Variants in GABBR2 observed in about 807,000 individuals in gnomAD.
GABBR2 encodes G-protein coupled receptor 51.
GABBR2 carries 23 observed loss-of-function variants against 105.6 expected under a neutral mutation model. The observed-to-expected ratio is 0.22, with a 90% CI of 0.16 to 0.31. The LOEUF is 0.31. Ranked by LOEUF, GABBR2 falls within the 10% of genes least tolerant of loss-of-function variation. The pLI is 1.00. For missense variants in GABBR2, 734 were observed against 1,245.5 expected, an observed-to-expected ratio of 0.59 and a Z score of 6.18; for synonymous variants, 478 against 499.7, an observed-to-expected ratio of 0.96 and a Z score of 0.58.
chr9:98,686,990 C>T (rs539812053), intron 1 of GABBR2, among the ~76,000 whole-genome samples: 16 of 152,178 alleles, frequency 1.1e-4, no homozygotes, highest in African/African-American at 3.6e-4. Context: ...GATCCTCCCT[C>T]GACATACTCT....
intron 1 of GABBR2, among the ~76,000 whole-genome samples, chr9:98,696,168 G>A (rs569648791): frequency 1.3e-5 from 2 of 152,194 alleles, no homozygotes; most frequent in Non-Finnish European, 2.9e-5. Context: ...TAATCGGGGA[G>A]GACAGAGAAT....
chr9:98,551,366 G>A (rs904587200), intron 2 of GABBR2, among the ~76,000 whole-genome samples: 5 of 152,154 alleles, frequency 3.3e-5, no homozygotes, highest in African/African-American at 9.7e-5. Flanking sequence ...TCATGCCACC[G>A]CACTCCAGCC....
intron 1 of GABBR2, among the ~76,000 whole-genome samples, chr9:98,654,077 C>T (rs376631641): frequency 1.3e-5 from 2 of 152,360 alleles, no homozygotes; most frequent in East Asian, 1.9e-4. Flanking sequence ...TTCTGTCTTA[C>T]AGCCATAACA....
intron 2 of GABBR2, among the ~76,000 whole-genome samples, chr9:98,576,880 A>G (rs1387712232): frequency 6.9e-6 from 1 of 144,116 alleles, no homozygotes; most frequent in Admixed American, 7.4e-5. Context: ...ATCCAGGCAC[A>G]GAGTAAGTTG....
At chr9:98,396,494 A>AC (rs1247410625) in intron 8 of GABBR2, among the ~76,000 whole-genome samples, 2 of 152,116 alleles carry the variant, frequency 1.3e-5, no homozygotes, top group Admixed American at 6.5e-5. Flanking sequence ...TGTAAAAGTC[A>AC]CTTCCTTCTC....
intron 6 of GABBR2, among the ~76,000 whole-genome samples, chr9:98,467,293 C>T (rs1826578958): frequency 6.6e-6 from 1 of 152,182 alleles, no homozygotes; most frequent in African/African-American, 2.4e-5. Flanking sequence ...GCCAGAGTCA[C>T]CCAGTTGGGA....
intron 5 of GABBR2, among the ~76,000 whole-genome samples, chr9:98,476,432 C>T (rs1253546737): frequency 6.6e-6 from 1 of 152,212 alleles, no homozygotes; most frequent in Non-Finnish European, 1.5e-5. Context: ...AGATTTTCTG[C>T]CACATGCCTG....
intron 1 of GABBR2, among the ~76,000 whole-genome samples, chr9:98,620,574 C>T (rs976853020): frequency 8.6e-5 from 13 of 151,902 alleles, no homozygotes; most frequent in Admixed American, 5.2e-4. Flanking sequence ...AAATGGTATT[C>T]CTCCAAAGCA....
At chr9:98,488,457 C>T (rs1827105655) in intron 4 of GABBR2, among the ~76,000 whole-genome samples, 1 of 152,118 alleles carries the variant, frequency 6.6e-6, no homozygotes, top group Admixed American at 6.5e-5. Flanking sequence ...AAAAAGAAAG[C>T]CAAACATGGC....
chr9:98,635,103 G>A (rs891709766), intron 1 of GABBR2, among the ~76,000 whole-genome samples: 4 of 152,174 alleles, frequency 2.6e-5, no homozygotes, highest in South Asian at 2.1e-4. Flanking sequence ...TAACTTACTC[G>A]AAATACAACA....
chr9:98,606,564 T>C (rs1242060933), intron 1 of GABBR2, among the ~76,000 whole-genome samples: 2 of 139,978 alleles, frequency 1.4e-5, no homozygotes, highest in African/African-American at 5.4e-5. Context: ...CACCGCAACC[T>C]CCACCTCCCA....
intron 7 of GABBR2, among the ~76,000 whole-genome samples, chr9:98,453,506 C>T (rs1369256742): frequency 6.6e-6 from 1 of 152,238 alleles, no homozygotes; most frequent in Non-Finnish European, 1.5e-5. Context: ...CCATGTCATA[C>T]ATAGTTCATC....
chr9:98,398,957 G>A (rs1832341543), intron 8 of GABBR2, among the ~76,000 whole-genome samples: 1 of 152,192 alleles, frequency 6.6e-6, no homozygotes, highest in Middle Eastern at 3.2e-3. Flanking sequence ...ACTGGCCCAA[G>A]GACAAGAGCT....
At chr9:98,607,472 A>G in intron 1 of GABBR2, 1 of 580,908 alleles carries the variant, frequency 1.7e-6, no homozygotes, top group Non-Finnish European at 3.1e-6. Context: ...AAGAAACCCA[A>G]GAACATAAAA....
rs183211388 is a variant in GABBR2, at chr9:98,454,618, C to G, written c.1000-401G>C. ...GTTAAAGTTATAGCATATGAACAAA[C>G]TGTTCAAAAATATTCTCTATCTCCT... is the stretch of plus-strand genomic sequence containing the variant. On this transcript the variant is annotated intron_variant, in intron 6 of 18. Coordinates refer to ENST00000259455, the MANE Select transcript of GABBR2 (RefSeq NM_005458.8). The surrounding 1 kb of genome is among the most constrained non-coding windows in gnomAD (Gnocchi z 4.6). Among the ~76,000 whole-genome samples the G allele has an allele frequency of 6.6e-6, 1 of 152,266 alleles. No individual in the cohort carries two copies. Among genetic ancestry groups the G allele is most frequent in the Admixed American group, 6.5e-5 (1 of 15,302 alleles).
chr9:98,643,692 G>A (rs1269667245), intron 1 of GABBR2, among the ~76,000 whole-genome samples: 2 of 152,224 alleles, frequency 1.3e-5, no homozygotes, highest in African/African-American at 4.8e-5. Flanking sequence ...ATCCATGTGA[G>A]CCAACTGTAT....
intron 4 of GABBR2, among the ~76,000 whole-genome samples, chr9:98,494,276 A>C (rs922878547): frequency 2.0e-5 from 3 of 152,232 alleles, no homozygotes; most frequent in Non-Finnish European, 4.4e-5. Context: ...ATGGAGGAGA[A>C]AATTAGCAGA....
At chr9:98,612,531 T>C (rs1442468684) in intron 1 of GABBR2, among the ~76,000 whole-genome samples, 1 of 152,184 alleles carries the variant, frequency 6.6e-6, no homozygotes, top group Non-Finnish European at 1.5e-5. Context: ...CTCATCTGTT[T>C]CCTGGAGAAT....
chr9:98,489,099 T>C (rs796407064), intron 4 of GABBR2, among the ~76,000 whole-genome samples: 13 of 152,362 alleles, frequency 8.5e-5, no homozygotes, highest in African/African-American at 2.4e-4. Context: ...GCCAAGGACG[T>C]TGTGGTAAAT....
Sources: gnomAD v4.1 joint callset for allele counts (sites outside exome capture counted in the v4.1 genomes callset) on GRCh38, gnomAD v4.1.1 for gene constraint, Gnocchi (gnomAD v3.1) non-coding constraint, MANE v1.5 for transcripts, NCBI Gene and HGNC (gene_info 2026-07-23, HGNC 2026-07-21) for gene names.